The following ZNF638 variants were observed in gnomAD, a reference collection of about 807,000 sequenced individuals.
ZNF638 encodes the protein CTCL tumor antigen se33-1.
Under a neutral mutation model 195.6 loss-of-function variants are expected in ZNF638, and 46 were observed. The observed-to-expected ratio is 0.24, with a 90% CI of 0.19 to 0.30. The LOEUF is 0.30. Among genes scored for constraint, ZNF638 ranks in the 10% least tolerant of loss-of-function variants. ZNF638 has a pLI of 1.00. For synonymous variants in ZNF638, 845 were observed against 772.0 expected (o/e 1.09, Z -1.57); for missense variants, 2,440 against 2,325.3 (o/e 1.05, Z -1.01).
intron 10 of ZNF638, among the ~76,000 whole-genome samples, chr2:71,390,554 G>C (rs575773407): frequency 1.3e-5 from 2 of 152,224 alleles, no homozygotes; most frequent in African/African-American, 4.8e-5. Flanking sequence ...ATCTAAAATA[G>C]CTCAGTTACT....
chr2:71,429,505 G>A (rs1268098952), intron 25 of ZNF638, among the ~76,000 whole-genome samples: 2 of 152,016 alleles, frequency 1.3e-5, no homozygotes, highest in Admixed American at 6.6e-5. Flanking sequence ...TCCCTTGTCT[G>A]CCAACTTATA....
chr2:71,427,105 T>G lies in ZNF638; in HGVS notation c.5236T>G (p.Leu1746Val). ...TGAAATACAAGATGACAGCAGTGAT[T>G]TGCATTTAGTGACTTTGGATGAAGT... is the stretch of plus-strand genomic sequence containing the variant. ...VDEIQDDSSD[L>V]HLVTLDEVTE... is the part of the protein sequence containing the mutation. Residue 1746 changes from leucine (L) to valine (V), a missense_variant, in exon 24 of 28, where the codon TTG becomes GTG. Physicochemically the swap from Leu to Val is conservative, Grantham distance 32 (BLOSUM62 1). Coordinates refer to ENST00000264447, the MANE Select transcript of ZNF638 (RefSeq NM_014497.5). The G allele has an allele frequency of 6.2e-7, 1 of 1,614,180 alleles. No homozygotes were observed. The highest frequency in any genetic ancestry group is 8.5e-7 in the Non-Finnish European group (1 of 1,180,018).
chr2:71,339,839 A>G (rs2078734702), intron 1 of ZNF638, among the ~76,000 whole-genome samples: 2 of 152,040 alleles, frequency 1.3e-5, no homozygotes, highest in South Asian at 4.1e-4. Context: ...CTAACCTGTT[A>G]CACTTACTAG....
intron 13 of ZNF638, 75 bp from the exon 14 acceptor site, chr2:71,400,037 A>C (rs2079975015): frequency 1.6e-6 from 2 of 1,238,610 alleles, no homozygotes; most frequent in East Asian, 5.0e-5. Context: ...AAACTAGCTT[A>C]AGTTCCTGTT....
In ZNF638 at chr2:71,426,527, C is replaced by T. The variant is rs771304075; in HGVS notation, c.4658C>T (p.Pro1553Leu). The T allele has an allele frequency of 2.5e-6, 4 of 1,612,294 alleles. No homozygotes were observed. In the Admixed American group the frequency reaches 6.7e-5, roughly 27 times the overall value. The change falls in exon 24 of 28, where the codon CCT (proline) becomes CTT (leucine). Residue 1553 changes from proline (P) to leucine (L), a missense_variant. By Grantham distance (98) the Pro-to-Leu change is moderately conservative. This residue lies in a region of ZNF638 where 1,883 missense variants were observed against 1,739.1 expected (regional missense o/e 1.08). Transcript: ENST00000264447. ...GATGAGGTTATAGAAGAAGTGAATC[C>T]TTCTCAGGCCAAGCAGAATCCACTA... Reference protein sequence around the residue: ...TVDEVIEEVNPSQAKQNPLKG... With the variant: ...TVDEVIEEVNLSQAKQNPLKG...
At position 71,364,049 on chromosome 2, in the gene ZNF638, T is replaced by C; in HGVS notation, c.1514T>C (p.Phe505Ser). 3.7e-6 allele frequency: 6 copies of C among 1,614,172 alleles called. No homozygotes were observed. Among genetic ancestry groups the C allele is most frequent in the Non-Finnish European group, 5.1e-6 (6 of 1,180,032 alleles). ...RSRRSSSSHR[F>S]RRSRSPMHYM... is the part of the protein sequence containing the mutation. ...AGAAGATCAAGCTCAAGTCACAGAT[T>C]CCGTCGGTCTCGAAGCCCAATGCAT... The change falls in exon 5 of 28, where the codon TTC (phenylalanine) becomes TCC (serine). Residue 505 changes from phenylalanine (F) to serine (S), a missense_variant. Phe to Ser is a radical substitution (Grantham distance 155, BLOSUM62 -2). Transcript: ENST00000264447.
intron 11 of ZNF638, among the ~76,000 whole-genome samples, chr2:71,396,783 AAAAT>A (rs2079902707): frequency 6.6e-6 from 1 of 152,124 alleles, no homozygotes; most frequent in Non-Finnish European, 1.5e-5. Flanking sequence ...GTCTCTACTG[AAAAT>A]ACAAAAAAAC....
intron 16 of ZNF638, 139 bp downstream of exon 16, chr2:71,402,226 A>G (rs2080020948): frequency 1.2e-6 from 1 of 840,458 alleles, no homozygotes; most frequent in South Asian, 2.4e-5. Flanking sequence ...TTTAAAATAT[A>G]AAACACAGAT....
chr2:71,371,292 C>A (rs2079308013), intron 8 of ZNF638, among the ~76,000 whole-genome samples: 1 of 152,102 alleles, frequency 6.6e-6, no homozygotes, highest in African/African-American at 2.4e-5. Context: ...GTGAACAGTG[C>A]TGCAAGAAAC....
At chr2:71,393,727 C>T (rs1252806390) in intron 10 of ZNF638, 1 of 657,906 alleles carries the variant, frequency 1.5e-6, no homozygotes, top group Non-Finnish European at 2.8e-6. Flanking sequence ...TTGGGCTCAT[C>T]TGTTAGATCC....
intron 8 of ZNF638, among the ~76,000 whole-genome samples, chr2:71,372,725 T>C (rs953696621): frequency 6.6e-6 from 1 of 152,204 alleles, no homozygotes; most frequent in Non-Finnish European, 1.5e-5. Context: ...ACCATTTTGC[T>C]CCACCCAGCT....
At chr2:71,384,029 C>T (rs557589219) in intron 10 of ZNF638, among the ~76,000 whole-genome samples, 10 of 152,058 alleles carry the variant, frequency 6.6e-5, no homozygotes, top group African/African-American at 1.9e-4. Context: ...ACTAATCATC[C>T]GGTAGAGTAG....
At chr2:71,434,184 G>A (rs2080720862) in intron 27 of ZNF638, among the ~76,000 whole-genome samples, 1 of 152,122 alleles carries the variant, frequency 6.6e-6, no homozygotes, top group Admixed American at 6.5e-5. Context: ...AATGCTTTCT[G>A]TGTTTCAGCT....
At position 71,386,542 on chromosome 2, in the gene ZNF638, A is replaced by G. The variant is rs141706770; in HGVS notation, c.2377+5977A>G. On this transcript the variant is annotated intron_variant, in intron 10 of 27. Transcript: ENST00000264447. ...CCATTAACCAGTACAATGTAATTCAAGAGGCATGGAAATTGGAAAGTAGGA... is the reference window on the plus strand; with the variant it reads ...CCATTAACCAGTACAATGTAATTCAGGAGGCATGGAAATTGGAAAGTAGGA... Among the ~76,000 whole-genome samples, 341 of 152,276 alleles carry G rather than the reference A, an allele frequency of 2.2e-3. 3 individuals carry two copies. Among genetic ancestry groups the G allele is most frequent in the African/African-American group, 7.4e-3 (309 of 41,560 alleles).
chr2:71,422,012 C>CT (rs2080443422), intron 21 of ZNF638, among the ~76,000 whole-genome samples: 2 of 152,052 alleles, frequency 1.3e-5, no homozygotes, highest in Non-Finnish European at 2.9e-5. Flanking sequence ...TATACTTAGC[C>CT]ATGTATTTCC....
chr2:71,336,336 A>G (rs1041209838), intron 1 of ZNF638, among the ~76,000 whole-genome samples: 6 of 136,992 alleles, frequency 4.4e-5, no homozygotes, highest in African/African-American at 1.6e-4. Flanking sequence ...GCGCCCTTGC[A>G]CTCCAACCAG....
intron 21 of ZNF638, among the ~76,000 whole-genome samples, chr2:71,419,567 C>T (rs147144532): frequency 4.6e-5 from 7 of 152,104 alleles, no homozygotes; most frequent in African/African-American, 1.7e-4. Context: ...TAACATTAAG[C>T]AATAGGTTTG....
At chr2:71,351,866 A>G (rs1443087389) in intron 2 of ZNF638, among the ~76,000 whole-genome samples, 3 of 152,210 alleles carry the variant, frequency 2.0e-5, no homozygotes, top group African/African-American at 4.8e-5. Flanking sequence ...TTGTTTGGAT[A>G]TGCTGTAGGG....
In ZNF638 at chr2:71,349,078, T is replaced by G; in HGVS notation, c.124T>G (p.Phe42Val). 1 of 1,614,122 alleles carries G rather than the reference T, an allele frequency of 6.2e-7. No homozygotes were observed. ...MRPGSMGLPR[F>V]YPAGRARGIP... is the part of the protein sequence containing the mutation. Reference sequence around the variant, plus strand: ...GCCTGGATCTATGGGTCTCCCAAGATTTTACCCAGCAGGGAGAGCACGTGG... The same window carrying G: ...GCCTGGATCTATGGGTCTCCCAAGAGTTTACCCAGCAGGGAGAGCACGTGG... The change falls in exon 2 of 28, where the codon TTT becomes GTT. Residue 42 changes from phenylalanine (F) to valine (V), a missense_variant. Transcript: ENST00000264447.
Sources: allele counts gnomAD v4.1 joint callset (sites outside exome capture counted in the v4.1 genomes callset), GRCh38; gene constraint gnomAD v4.1.1; regional missense constraint gnomAD v4.1.1; transcripts MANE v1.5; gene names NCBI Gene and HGNC (gene_info 2026-07-23, HGNC 2026-07-21).